Variants in RALYL observed in about 807,000 individuals in gnomAD.
RALYL encodes RNA-binding Raly-like protein.
A neutral mutation model predicts 35.1 loss-of-function variants in RALYL; 29 were observed. The ratio of observed to expected loss-of-function variants is 0.83; its 90% confidence interval spans 0.61 to 1.13. RALYL has a LOEUF of 1.13. RALYL is among the 50% of genes most tolerant of loss of function. The pLI, the probability that RALYL is intolerant of heterozygous loss-of-function variation, is 0.00. For missense variants in RALYL, 359 were observed against 360.4 expected (o/e 1.00, Z 0.03); for synonymous variants, 120 against 127.6 (o/e 0.94, Z 0.40).
At chr8:84,906,944 G>T in intron 8 of RALYL, 1 of 985,148 alleles carries the variant, frequency 1.0e-6, no homozygotes, top group Non-Finnish European at 1.2e-6. Flanking sequence ...TCTGAATATG[G>T]AAAATCACAA....
chr8:84,676,042 T>A (rs1394406061), intron 2 of RALYL, among the ~76,000 whole-genome samples: 2 of 152,202 alleles, frequency 1.3e-5, no homozygotes, highest in African/African-American at 4.8e-5. Flanking sequence ...ATCATTACAC[T>A]GTATATCTCG....
chr8:84,301,631 A>G (rs962773851), intron 1 of RALYL, among the ~76,000 whole-genome samples: 3 of 152,170 alleles, frequency 2.0e-5, no homozygotes, highest in African/African-American at 4.8e-5. Flanking sequence ...CAAAGTATTT[A>G]AAACTCTTTT....
In RALYL at chr8:84,217,174, A is replaced by T. The variant is rs545026099; in HGVS notation, c.-24+32750A>T. Among the ~76,000 whole-genome samples the T allele has an allele frequency of 9.9e-5, 15 of 152,204 alleles. No individual in the cohort carries two copies. In the East Asian group the frequency reaches 2.9e-3, roughly 30 times the overall value. On this transcript the variant is annotated intron_variant, in intron 1 of 8. Transcript: ENST00000521268. Reference sequence around the variant, plus strand: ...GTAGGTAAGCTCTTTCAAAACTGTGATCCACTTAGTATGTCCTTATTTCCC... The same window carrying T: ...GTAGGTAAGCTCTTTCAAAACTGTGTTCCACTTAGTATGTCCTTATTTCCC...
chr8:84,260,106 G>T (rs978652396), intron 1 of RALYL, among the ~76,000 whole-genome samples: 2 of 152,126 alleles, frequency 1.3e-5, no homozygotes, highest in African/African-American at 4.8e-5. Flanking sequence ...TCCTGAAGAA[G>T]AGTTAAGACC....
At chr8:84,185,391 A>G (rs1042792870) in intron 1 of RALYL, among the ~76,000 whole-genome samples, 1 of 152,196 alleles carries the variant, frequency 6.6e-6, no homozygotes, top group South Asian at 2.1e-4. Flanking sequence ...GTGTGTTGGT[A>G]GCACTGACGT....
At chr8:84,809,910 T>C (rs1222190107) in intron 4 of RALYL, among the ~76,000 whole-genome samples, 2 of 152,162 alleles carry the variant, frequency 1.3e-5, no homozygotes, top group African/African-American at 2.4e-5. Context: ...CTATCAGTTG[T>C]ATTTATCTTT....
chr8:84,757,823 T>C (rs113130297), intron 2 of RALYL, among the ~76,000 whole-genome samples: 64 of 152,286 alleles, frequency 4.2e-4, no homozygotes, highest in African/African-American at 1.5e-3. Flanking sequence ...ATGTATATGG[T>C]AGGCTGGAAG....
At chr8:84,729,616 A>C (rs1374973610) in intron 2 of RALYL, among the ~76,000 whole-genome samples, 1 of 152,176 alleles carries the variant, frequency 6.6e-6, no homozygotes, top group African/African-American at 2.4e-5. Context: ...GAAAGGATCA[A>C]TGAAATTGTT....
chr8:84,767,576 C>T lies in RALYL; in HGVS notation c.257-7003C>T, dbSNP rs1814419464. Among the ~76,000 whole-genome samples the T allele has an allele frequency of 2.6e-5, 4 of 152,058 alleles. No individual in the cohort carries two copies. In the South Asian group the frequency reaches 8.3e-4, roughly 32 times the overall value. ...GCTTAGAGAGAATCATGACAAAATG[C>T]AAATGGCCCTTCTCCCTTCAAGTGG... is the stretch of plus-strand genomic sequence containing the variant. On this transcript the variant is annotated intron_variant, in intron 2 of 8. Transcript: ENST00000521268.
chr8:84,428,060 G>A (rs1438062669), intron 1 of RALYL, among the ~76,000 whole-genome samples: 1 of 147,956 alleles, frequency 6.8e-6, no homozygotes, highest in Non-Finnish European at 1.5e-5. Flanking sequence ...GATCCGGCTC[G>A]CTTGCGCTTG....
At chr8:84,546,090 G>A (rs914031804) in intron 2 of RALYL, among the ~76,000 whole-genome samples, 2 of 152,014 alleles carry the variant, frequency 1.3e-5, no homozygotes, top group Admixed American at 6.6e-5. Flanking sequence ...GTGGCAGGGC[G>A]GGATGAGACA....
intron 1 of RALYL, among the ~76,000 whole-genome samples, chr8:84,453,274 A>C (rs58674714): frequency 0.012 from 1,795 of 152,056 alleles, 39 homozygotes; most frequent in African/African-American, 0.041. Flanking sequence ...AGCACATATA[A>C]TTCTATCTCA....
rs948379382 is a variant in RALYL, at chr8:84,856,957, A to G, written c.414-5339A>G. Among the ~76,000 whole-genome samples, 9 of 144,944 alleles carry G rather than the reference A, an allele frequency of 6.2e-5. No individual in the cohort carries two copies. The South Asian group carries it at 9.2e-4, about 15-fold the overall frequency. On this transcript the variant is annotated intron_variant, in intron 5 of 8. Transcript: ENST00000521268. ...GCAGGAGAATGGCGTGAACCCGGGAAGCGGAGCTTGCAGTGAGCCGAGATT... is the reference window on the plus strand; with the variant it reads ...GCAGGAGAATGGCGTGAACCCGGGAGGCGGAGCTTGCAGTGAGCCGAGATT...
At chr8:84,907,310 TCA>T (rs71273918) in intron 8 of RALYL, among the ~76,000 whole-genome samples, 22,577 of 147,712 alleles carry the variant, frequency 0.15, 1,847 homozygotes, top group Non-Finnish European at 0.19. Flanking sequence ...AGATATAGCG[TCA>T]CACACACACA....
At position 84,285,358 on chromosome 8, in the gene RALYL, G is replaced by T. The variant is rs139159920; in HGVS notation, c.-24+100934G>T. On this transcript the variant is annotated intron_variant, in intron 1 of 8. Transcript: ENST00000521268. ...TTGACATTTGAGAGTTATCACTCAA[G>T]TAAAAATAAGTAATATATAGAGGGC... is the stretch of plus-strand genomic sequence containing the variant. 4.1e-3 allele frequency among the ~76,000 whole-genome samples: 628 copies of T among 152,260 alleles called. 7 individuals carry two copies. The highest frequency in any genetic ancestry group is 0.014 in the African/African-American group (583 of 41,546).
At chr8:84,235,510 G>A (rs1448707881) in intron 1 of RALYL, among the ~76,000 whole-genome samples, 2 of 152,104 alleles carry the variant, frequency 1.3e-5, no homozygotes, top group East Asian at 3.9e-4. Context: ...TTTGATGTTG[G>A]CATGGCCAGA....
chr8:84,313,140 A>G (rs1843114137), intron 1 of RALYL, among the ~76,000 whole-genome samples: 1 of 152,208 alleles, frequency 6.6e-6, no homozygotes. Context: ...CCCGAGCTGT[A>G]CCTTGGCCTC....
intron 1 of RALYL, among the ~76,000 whole-genome samples, chr8:84,374,751 G>C (rs534966944): frequency 6.6e-6 from 1 of 151,816 alleles, no homozygotes; most frequent in Admixed American, 6.6e-5. Context: ...AAAAGTAACT[G>C]TTGGGTACTA....
intron 4 of RALYL, among the ~76,000 whole-genome samples, chr8:84,819,802 T>G (rs149258146): frequency 7.2e-5 from 11 of 152,342 alleles, no homozygotes; most frequent in Non-Finnish European, 1.0e-4. Context: ...AAGTTCTGCT[T>G]ATAAAGAAAG....
Sources: allele counts gnomAD v4.1 joint callset (sites outside exome capture counted in the v4.1 genomes callset), GRCh38; gene constraint gnomAD v4.1.1; transcripts MANE v1.5; gene names NCBI Gene and HGNC (gene_info 2026-07-23, HGNC 2026-07-21).